Variants in HOMER1 observed in about 807,000 individuals in gnomAD.
The protein encoded by HOMER1 is homer protein homolog 1.
In HOMER1, 3 loss-of-function variants were observed where a neutral mutation model predicts 48.9. That is an observed-to-expected ratio of 0.06 (90% CI 0.03 to 0.16). HOMER1 has a LOEUF of 0.16. Ranked by LOEUF, HOMER1 falls within the 10% of genes least tolerant of loss-of-function variation. The pLI is 1.00. For synonymous variants in HOMER1, 134 were observed against 146.4 expected, an observed-to-expected ratio of 0.92 and a Z score of 0.61; for missense variants, 247 against 411.4, an observed-to-expected ratio of 0.60 and a Z score of 3.46.
intron 1 of HOMER1, among the ~76,000 whole-genome samples, chr5:79,505,821 T>C (rs1254003460): frequency 6.6e-6 from 1 of 152,114 alleles, no homozygotes; most frequent in Non-Finnish European, 1.5e-5. Flanking sequence ...CTTTTTGCCT[T>C]CCTTTAGTAG....
chr5:79,435,505 ATTC>A (rs968573306), intron 5 of HOMER1, among the ~76,000 whole-genome samples: 39 of 152,332 alleles, frequency 2.6e-4, no homozygotes, highest in African/African-American at 9.1e-4. Flanking sequence ...TTTGCTATTC[ATTC>A]TTCTCTGCTA....
intron 5 of HOMER1, among the ~76,000 whole-genome samples, chr5:79,435,982 C>A (rs1408549336): frequency 6.5e-5 from 9 of 138,578 alleles, no homozygotes; most frequent in Admixed American, 7.3e-5. Context: ...AAAAATTAGC[C>A]GGGCGCGGTG....
At chr5:79,410,595 TTCA>T (rs1749791910) in intron 5 of HOMER1, among the ~76,000 whole-genome samples, 3 of 152,118 alleles carry the variant, frequency 2.0e-5, no homozygotes, top group South Asian at 4.2e-4. Flanking sequence ...ATATATTCCT[TTCA>T]TCAAGTATAA....
At chr5:79,412,732 T>C (rs1749842313) in intron 5 of HOMER1, among the ~76,000 whole-genome samples, 1 of 152,172 alleles carries the variant, frequency 6.6e-6, no homozygotes, top group African/African-American at 2.4e-5. Context: ...ACAAAATATC[T>C]GGAATACAAT....
chr5:79,443,311 T>C (rs1750789325), intron 4 of HOMER1, among the ~76,000 whole-genome samples: 1 of 152,178 alleles, frequency 6.6e-6, no homozygotes, highest in Non-Finnish European at 1.5e-5. Flanking sequence ...TATAATATTC[T>C]ACAATATAAT....
Position 79,397,052 on chromosome 5 carries a change from C to A in HOMER1, c.796-149G>T, listed in dbSNP as rs537351817. 2.3e-5 allele frequency: 13 copies of A among 565,234 alleles called. No homozygotes were observed. In the South Asian group the frequency reaches 2.9e-4, roughly 13 times the overall value. 35.0% of individuals were successfully genotyped at this position (565,234 alleles called of 1,614,324 possible). A position where few individuals can be genotyped will look rare whatever the true frequency, so the allele number is the denominator to read the frequency against. On this transcript the variant is annotated intron_variant, in intron 7 of 8. Transcript: ENST00000334082. ...TTGACTTTTAGAGGGATGAATTCATCTTTATATGTATGTTGTCTAGAACAA... is the reference window on the plus strand; with the variant it reads ...TTGACTTTTAGAGGGATGAATTCATATTTATATGTATGTTGTCTAGAACAA...
intron 1 of HOMER1, among the ~76,000 whole-genome samples, chr5:79,462,874 G>A (rs1751355703): frequency 6.6e-6 from 1 of 152,144 alleles, no homozygotes; most frequent in Non-Finnish European, 1.5e-5. Context: ...CAAACTCAAG[G>A]AAAGGAAGAG....
chr5:79,495,627 G>A (rs899128509), intron 1 of HOMER1, among the ~76,000 whole-genome samples: 10 of 152,346 alleles, frequency 6.6e-5, no homozygotes, highest in East Asian at 5.8e-4. Flanking sequence ...ACAGTGTTAG[G>A]AGACTGTAGC....
chr5:79,475,268 A>ACTGTCTGGCTCTAGAGCCCGTACC (rs1751731955), intron 1 of HOMER1, among the ~76,000 whole-genome samples: 1 of 150,990 alleles, frequency 6.6e-6, no homozygotes, highest in African/African-American at 2.4e-5. Context: ...GAGCCGGCAC[A>ACTGTCTGGCTCTAGAGCCCGTACC]CTGTCTGGCT....
intron 1 of HOMER1, among the ~76,000 whole-genome samples, chr5:79,503,016 T>TCCC (rs374946602): frequency 1.3e-5 from 2 of 152,118 alleles, no homozygotes; most frequent in East Asian, 1.9e-4. Context: ...GGTCTTGATC[T>TCCC]GACCTCGTGA....
At chr5:79,404,696 CCTTTT>C (rs1749618269) in intron 5 of HOMER1, among the ~76,000 whole-genome samples, 1 of 151,212 alleles carries the variant, frequency 6.6e-6, no homozygotes, top group African/African-American at 2.5e-5. Context: ...TGACATTCTG[CCTTTT>C]CTTTCTTTCT....
intron 1 of HOMER1, among the ~76,000 whole-genome samples, chr5:79,507,040 C>T (rs1024305076): frequency 1.3e-5 from 2 of 151,224 alleles, no homozygotes; most frequent in African/African-American, 2.4e-5. Flanking sequence ...GGTGAAACCC[C>T]GTCTCTACTA....
At chr5:79,386,592 T>G (rs1186483932) in intron 8 of HOMER1, among the ~76,000 whole-genome samples, 1 of 152,212 alleles carries the variant, frequency 6.6e-6, no homozygotes, top group African/African-American at 2.4e-5. Flanking sequence ...CAATATATTG[T>G]GTATTTCAAA....
In HOMER1 at chr5:79,450,971, A is replaced by C. The variant is rs1474641839; in HGVS notation, c.294+19T>G. 6.2e-7 allele frequency: 1 copy of C among 1,607,778 alleles called. No homozygotes were observed. The highest frequency in any genetic ancestry group is 8.5e-7 in the Non-Finnish European group (1 of 1,175,184). On this transcript the variant is annotated intron_variant, in intron 3 of 8. Transcript: ENST00000334082. ...CTTGAAGATGAAGATTTTCATTCAA[A>C]TTTTATGATTTAACTCACTTTCGAA...
intron 1 of HOMER1, among the ~76,000 whole-genome samples, chr5:79,506,334 T>C (rs1752765370): frequency 6.6e-6 from 1 of 152,210 alleles, no homozygotes; most frequent in South Asian, 2.1e-4. Flanking sequence ...ACAAACAGCA[T>C]TGATTCTTAT....
chr5:79,483,568 C>A (rs1054637597), intron 1 of HOMER1, among the ~76,000 whole-genome samples: 1 of 151,408 alleles, frequency 6.6e-6, no homozygotes, highest in African/African-American at 2.4e-5. Context: ...CTGAAAGAAT[C>A]CATCATTAGT....
Position 79,374,216 on chromosome 5 carries a change from G to A in HOMER1, c.*1793C>T, listed in dbSNP as rs1292587508. The stretch of plus-strand genomic sequence containing the variant: ...TATCAGAGAAATATCTCAGCTCTGA[G>A]CATGTGTATCTAAATTATTCTCCCT... On this transcript the variant is annotated 3_prime_UTR_variant, in exon 9 of 9. Coordinates refer to ENST00000334082, the MANE Select transcript of HOMER1 (RefSeq NM_004272.5). The A allele has an allele frequency of 6.6e-6, 1 of 152,314 alleles. No homozygotes were observed. Among genetic ancestry groups the A allele is most frequent in the Non-Finnish European group, 1.5e-5 (1 of 67,832 alleles). 9.4% of individuals were successfully genotyped at this position (152,314 alleles called of 1,614,324 possible).
chr5:79,409,371 G>T (rs112074605), intron 5 of HOMER1, among the ~76,000 whole-genome samples: 2 of 151,144 alleles, frequency 1.3e-5, no homozygotes, highest in Non-Finnish European at 2.9e-5. Flanking sequence ...GGCGGAGGTT[G>T]TGGTGAGCCA....
intron 5 of HOMER1, among the ~76,000 whole-genome samples, chr5:79,431,450 G>A (rs1750423044): frequency 6.6e-6 from 1 of 152,162 alleles, no homozygotes; most frequent in Admixed American, 6.5e-5. Context: ...TGGTTGCCTA[G>A]GGTAGGTGGA....
Sources: allele counts gnomAD v4.1 joint callset (sites outside exome capture counted in the v4.1 genomes callset), GRCh38; gene constraint gnomAD v4.1.1; transcripts MANE v1.5; gene names NCBI Gene and HGNC (gene_info 2026-07-23, HGNC 2026-07-21).